The following NKAIN3 variants were observed in gnomAD, a reference collection of about 807,000 sequenced individuals.
NKAIN3 encodes sodium/potassium-transporting ATPase subunit beta-1-interacting protein 3.
In NKAIN3, 25 loss-of-function variants were observed where a neutral mutation model predicts 30.2. The observed-to-expected ratio is 0.83, with a 90% CI of 0.60 to 1.16. NKAIN3 has a LOEUF of 1.16. Ranked by LOEUF, NKAIN3 falls within the 50% of genes most tolerant of loss-of-function variation. The pLI, the probability that NKAIN3 is intolerant of heterozygous loss-of-function variation, is 0.00. For synonymous variants in NKAIN3, 91 were observed against 89.6 expected, an observed-to-expected ratio of 1.02 and a Z score of -0.09; for missense variants, 225 against 254.1, an observed-to-expected ratio of 0.89 and a Z score of 0.78.
intron 1 of NKAIN3, among the ~76,000 whole-genome samples, chr8:62,386,940 AGAAAGAGAG>A (rs1817444906): frequency 6.6e-6 from 1 of 150,874 alleles, no homozygotes; most frequent in Non-Finnish European, 1.5e-5. Context: ...AGAGAGAGAG[AGAAAGAGAG>A]AGAGAGAGAA....
chr8:62,512,385 A>C (rs181873077), intron 1 of NKAIN3, among the ~76,000 whole-genome samples: 11 of 152,260 alleles, frequency 7.2e-5, no homozygotes, highest in African/African-American at 2.6e-4. Context: ...TTAAATGGTC[A>C]GTGAGGGCCT....
intron 1 of NKAIN3, among the ~76,000 whole-genome samples, chr8:62,514,850 T>C (rs1807932540): frequency 6.6e-6 from 1 of 152,184 alleles, no homozygotes; most frequent in Non-Finnish European, 1.5e-5. Flanking sequence ...AAAGTTGCAG[T>C]GGCATCTCAC....
At chr8:62,526,407 A>G (rs116751840) in intron 1 of NKAIN3, among the ~76,000 whole-genome samples, 2,096 of 152,252 alleles carry the variant, frequency 0.014, 51 homozygotes, top group African/African-American at 0.048. Context: ...ACTACTGCCT[A>G]GTCAAGGATA....
chr8:62,507,683 A>T (rs543908578), intron 1 of NKAIN3, among the ~76,000 whole-genome samples: 128 of 152,306 alleles, frequency 8.4e-4, no homozygotes, highest in African/African-American at 2.9e-3. Flanking sequence ...GCCATGATTT[A>T]TATGACTCTC....
chr8:62,381,238 A>T (rs915303953), intron 1 of NKAIN3, among the ~76,000 whole-genome samples: 1 of 151,950 alleles, frequency 6.6e-6, no homozygotes, highest in Non-Finnish European at 1.5e-5. Flanking sequence ...TGTAGTTAAA[A>T]TTTTTACCTG....
chr8:62,258,203 A>G (rs1015049007), intron 1 of NKAIN3, among the ~76,000 whole-genome samples: 8 of 152,190 alleles, frequency 5.3e-5, no homozygotes, highest in African/African-American at 1.9e-4. Flanking sequence ...TGGCATTAGG[A>G]CAAGATACAC....
At chr8:62,829,627 G>C (rs1819131240) in intron 4 of NKAIN3, among the ~76,000 whole-genome samples, 1 of 151,978 alleles carries the variant, frequency 6.6e-6, no homozygotes, top group South Asian at 2.1e-4. Context: ...CATATTAATA[G>C]GATATTTAAG....
At chr8:62,851,874 AT>A (rs1237254474) in intron 4 of NKAIN3, among the ~76,000 whole-genome samples, 1 of 151,980 alleles carries the variant, frequency 6.6e-6, no homozygotes, top group Non-Finnish European at 1.5e-5. Context: ...TTTATTGAGG[AT>A]TTTTGCAGCA....
intron 1 of NKAIN3, among the ~76,000 whole-genome samples, chr8:62,308,857 G>T (rs1814337817): frequency 6.6e-6 from 1 of 150,454 alleles, no homozygotes; most frequent in South Asian, 2.1e-4. Flanking sequence ...TTTTACAGCT[G>T]AAGGGCTGCC....
chr8:62,854,929 CAGCATTTGCCTGCCTA>C (rs1162865161), intron 4 of NKAIN3: 4 of 152,948 alleles, frequency 2.6e-5, no homozygotes, highest in African/African-American at 9.6e-5. Flanking sequence ...TTCATTGAGA[CAGCATTTGCCTGCCTA>C]AGCATTTGCC....
intron 1 of NKAIN3, among the ~76,000 whole-genome samples, chr8:62,558,475 T>C (rs1809475292): frequency 6.6e-6 from 1 of 152,144 alleles, no homozygotes; most frequent in Non-Finnish European, 1.5e-5. Flanking sequence ...GGGAATTGCA[T>C]TGAATTTGTA....
At chr8:62,280,663 A>G (rs1813147282) in intron 1 of NKAIN3, among the ~76,000 whole-genome samples, 1 of 152,084 alleles carries the variant, frequency 6.6e-6, no homozygotes, top group African/African-American at 2.4e-5. Flanking sequence ...TTCTGTTTAT[A>G]TGCTGGATTA....
intron 4 of NKAIN3, among the ~76,000 whole-genome samples, chr8:62,818,644 G>A (rs983235512): frequency 1.3e-5 from 2 of 152,032 alleles, no homozygotes; most frequent in African/African-American, 4.8e-5. Context: ...AGATTAATAA[G>A]ATAGAATTTC....
chr8:62,666,459 A>G (rs1376888689), intron 3 of NKAIN3, among the ~76,000 whole-genome samples: 1 of 152,170 alleles, frequency 6.6e-6, no homozygotes, highest in Admixed American at 6.5e-5. Context: ...AAAAGTATGA[A>G]AAAGCATTAC....
chr8:62,497,437 T>TC (rs988947683), intron 1 of NKAIN3, among the ~76,000 whole-genome samples: 11 of 151,662 alleles, frequency 7.3e-5, no homozygotes, highest in African/African-American at 2.7e-4. Flanking sequence ...AACCTATTTT[T>TC]TTTTTTATCA....
chr8:62,870,230 ATATAGATATC>A (rs1171901701), intron 4 of NKAIN3, among the ~76,000 whole-genome samples: 1 of 142,264 alleles, frequency 7.0e-6, no homozygotes, highest in Admixed American at 7.0e-5. Context: ...CTATATCTAT[ATATAGATATC>A]TATAGATATC....
At chr8:62,517,867 G>A (rs943611145) in intron 1 of NKAIN3, among the ~76,000 whole-genome samples, 1 of 152,098 alleles carries the variant, frequency 6.6e-6, no homozygotes, top group Admixed American at 6.6e-5. Context: ...TACTAGAAAG[G>A]AGAATGATCC....
rs1039063410 is a variant in NKAIN3 at position 62,641,572 on chromosome 8, TC to T, written c.273+51779del. Among the ~76,000 whole-genome samples the T allele has an allele frequency of 3.9e-5, 6 of 152,296 alleles. No homozygotes were observed. In the South Asian group the frequency reaches 8.3e-4, roughly 21 times the overall value. On this transcript the variant is annotated intron_variant, in intron 3 of 6. Coordinates refer to ENST00000623646, the MANE Select transcript of NKAIN3 (RefSeq NM_001304533.3). ...CCAGCAGTCAGAAAAACATCTGTATTCTTTAAGAGCCTGACTCTAGACAGAC... is the reference window on the plus strand; with the variant it reads ...CCAGCAGTCAGAAAAACATCTGTATTTTTAAGAGCCTGACTCTAGACAGAC...
At position 62,249,108 on chromosome 8, in the gene NKAIN3, G is replaced by A. The variant is rs960693235; in HGVS notation, c.35G>A (p.Cys12Tyr). The A allele has an allele frequency of 1.9e-6, 3 of 1,538,592 alleles. No homozygotes were observed. The highest frequency in any genetic ancestry group is 2.8e-5 in the African/African-American group (2 of 71,620). ...GCCTGRCSLI[C>Y]LCALQLVSAL... ...TGCACCGGACGCTGCTCGCTCATCTGCCTCTGCGCGCTGCAGTTGGTGAGT... is the reference window on the plus strand; with the variant it reads ...TGCACCGGACGCTGCTCGCTCATCTACCTCTGCGCGCTGCAGTTGGTGAGT... Residue 12 changes from cysteine to tyrosine, a missense_variant, in exon 1 of 7, where the codon TGC (cysteine) becomes TAC (tyrosine). Cys to Tyr is a radical substitution (Grantham distance 194). Transcript: ENST00000623646.
Sources: allele counts gnomAD v4.1 joint callset (sites outside exome capture counted in the v4.1 genomes callset), GRCh38; gene constraint gnomAD v4.1.1; transcripts MANE v1.5; gene names NCBI Gene and HGNC (gene_info 2026-07-23, HGNC 2026-07-21).